Variants in ALS2CL observed in about 807,000 individuals in gnomAD.
The protein encoded by ALS2CL is ALS2 C-terminal like.
A neutral mutation model predicts 127.9 loss-of-function variants in ALS2CL; 112 were observed. That is an observed-to-expected ratio of 0.88 (90% confidence interval 0.75 to 1.02). The LOEUF is 1.02. ALS2CL is among the 50% of genes least tolerant of loss of function. ALS2CL has a pLI of 0.00. For synonymous variants in ALS2CL, 519 were observed against 527.6 expected, an observed-to-expected ratio of 0.98 and a Z score of 0.22; for missense variants, 1,174 against 1,236.7, an observed-to-expected ratio of 0.95 and a Z score of 0.76.
chr3:46,671,479 G>GT lies in ALS2CL; in HGVS notation c.2781+8dup. On this transcript the variant is annotated intron_variant, in intron 25 of 25. Transcript: ENST00000318962. ...ATTTCCACCTCGGTCCACAGCCCCT[G>GT]TCCCTTACCTCCAGGGCTGTGAGCA... The GT allele has an allele frequency of 6.2e-7, 1 of 1,613,992 alleles. No individual in the cohort carries two copies. The highest frequency in any genetic ancestry group is 8.5e-7 in the Non-Finnish European group (1 of 1,179,994).
Position 46,686,102 on chromosome 3 carries a change from G to A in ALS2CL, c.666+206C>T, listed in dbSNP as rs1699748827. On this transcript the variant is annotated intron_variant, in intron 6 of 25. Transcript: ENST00000318962. This position sits in a 1 kb window ranked among gnomAD's most constrained non-coding sequence, Gnocchi z 4.3. ...GCTGATTGCCTCTTCCCTAGGCCGG[G>A]TCAGGGCCTGGCCCAGGACGTGCTC... Among the ~76,000 whole-genome samples, 2 of 152,190 alleles carry A rather than the reference G, an allele frequency of 1.3e-5. No homozygotes were observed. The highest frequency in any genetic ancestry group is 6.5e-5 in the Admixed American group (1 of 15,288).
rs1176235897 is a variant in ALS2CL, at chr3:46,676,250, G to A, written c.2181C>T (p.Ala727=). 3 of 1,612,958 alleles carry A rather than the reference G, an allele frequency of 1.9e-6. No homozygotes were observed. The highest frequency in any genetic ancestry group is 1.3e-5 in the African/African-American group (1 of 74,894). The change falls in exon 19 of 26, where the codon GCC becomes GCT. Residue 727 remains alanine (A), a synonymous_variant. Transcript: ENST00000318962. ...VKQHAQELWA[A]YRGLLRVALE... is the part of the protein sequence containing the mutation. Reference sequence around the variant, plus strand: ...CCGTTTGCCACCGAGCCCACCTGTAGGCAGCCCAGAGTTCCTGGGCATGCT... The same window carrying A: ...CCGTTTGCCACCGAGCCCACCTGTAAGCAGCCCAGAGTTCCTGGGCATGCT...
intron 1 of ALS2CL, among the ~76,000 whole-genome samples, chr3:46,692,837 C>A (rs1474292356): frequency 6.6e-6 from 1 of 152,226 alleles, no homozygotes; most frequent in African/African-American, 2.4e-5. Context: ...CCCTCCCGGG[C>A]AGGGTCACTG....
rs577012167 is a variant in ALS2CL at position 46,677,980 on chromosome 3, C to A, written c.1757+279G>T. Among the ~76,000 whole-genome samples the A allele has an allele frequency of 3.0e-5, 4 of 135,184 alleles. No homozygotes were observed. In the East Asian group the frequency reaches 8.2e-4, roughly 28 times the overall value. The allele number at this position is 135,184 out of a possible 152,430, so 88.7% of individuals were successfully genotyped here. ...TTTCCTGTATGTTTGGTTTGTAAACCGTATTGTATCCTTTCGAGACAAAAA... is the reference window on the plus strand; with the variant it reads ...TTTCCTGTATGTTTGGTTTGTAAACAGTATTGTATCCTTTCGAGACAAAAA... On this transcript the variant is annotated intron_variant, in intron 16 of 25. Coordinates refer to ENST00000318962, the MANE Select transcript of ALS2CL (RefSeq NM_147129.5).
chr3:46,681,189 T>C lies in ALS2CL; in HGVS notation c.1436+57A>G. 6.2e-7 allele frequency: 1 copy of C among 1,610,538 alleles called. No homozygotes were observed. ...GAGCCTGTGTCCTGCAACAATCTGG[T>C]CTGTGAGGGCCCGGTCCACCCCTCC... On this transcript the variant is annotated intron_variant, in intron 13 of 25. Coordinates refer to ENST00000318962, the MANE Select transcript of ALS2CL (RefSeq NM_147129.5). This position sits in a 1 kb window ranked among gnomAD's most constrained non-coding sequence, Gnocchi z 4.9.
intron 22 of ALS2CL, among the ~76,000 whole-genome samples, chr3:46,672,840 C>A (rs1488013380): frequency 6.6e-6 from 1 of 152,060 alleles, no homozygotes; most frequent in Non-Finnish European, 1.5e-5. Flanking sequence ...ACCAAAAATA[C>A]AAAAATTAGC....
At chr3:46,685,484 C>T (rs763959163) in intron 7 of ALS2CL, 41 bp downstream of exon 7, 1 of 1,606,372 alleles carries the variant, frequency 6.2e-7, no homozygotes, top group Non-Finnish European at 8.5e-7. Flanking sequence ...ACCCCAGAAC[C>T]CTACTGTGGC....
intron 1 of ALS2CL, among the ~76,000 whole-genome samples, chr3:46,692,294 G>C (rs1316814166): frequency 6.6e-6 from 1 of 152,128 alleles, no homozygotes; most frequent in Non-Finnish European, 1.5e-5. Flanking sequence ...CACGTTTGCA[G>C]GGCAGGAGGA....
At chr3:46,675,251 G>A (rs556941506) in intron 20 of ALS2CL, 2 of 234,078 alleles carry the variant, frequency 8.5e-6, no homozygotes, top group East Asian at 1.0e-4. Flanking sequence ...CAAATTTCAT[G>A]CCCACCTAAC....
Position 46,676,261 on chromosome 3 carries a change from G to A in ALS2CL, c.2170C>T (p.Leu724Phe). ...CGAGCCCACCTGTAGGCAGCCCAGA[G>A]TTCCTGGGCATGCTGCTTCACCTCC... is the stretch of plus-strand genomic sequence containing the variant. Reference protein sequence around the residue: ...QEEVKQHAQELWAAYRGLLRV... With the variant: ...QEEVKQHAQEFWAAYRGLLRV... Residue 724 changes from leucine (L) to phenylalanine (F), a missense_variant, in exon 19 of 26, where the codon CTC (leucine) becomes TTC (phenylalanine). Leu to Phe is a conservative substitution (Grantham distance 22). Transcript: ENST00000318962. 1 of 1,613,364 alleles carries A rather than the reference G, an allele frequency of 6.2e-7. No individual in the cohort carries two copies. Among genetic ancestry groups the A allele is most frequent in the Non-Finnish European group, 8.5e-7 (1 of 1,179,856 alleles).
In ALS2CL at chr3:46,683,804, CA is replaced by C. The variant is rs772515461; in HGVS notation, c.889del (p.Cys297ValfsTer15). The C allele has an allele frequency of 1.2e-6, 2 of 1,613,968 alleles. No homozygotes were observed. Among genetic ancestry groups the C allele is most frequent in the Non-Finnish European group, 1.7e-6 (2 of 1,180,022 alleles). On this transcript the variant is annotated frameshift_variant, in exon 9 of 26. Coordinates refer to ENST00000318962, the MANE Select transcript of ALS2CL (RefSeq NM_147129.5). LOFTEE classifies it high-confidence loss of function. ...LLTPEEEFSF[C>X]AKDSQGQAVW... ...CACCTGGCCCTGGGAGTCCTTGGCA[CA>C]AAAGGAGAACTCTTCTTCGGGCGTG...
rs1373505173 is a variant in ALS2CL, at chr3:46,676,982, G to C, written c.1798C>G (p.Gln600Glu). 6.2e-7 allele frequency: 1 copy of C among 1,611,970 alleles called. No individual in the cohort carries two copies. The highest frequency in any genetic ancestry group is 1.7e-5 in the Admixed American group (1 of 59,908). Residue 600 changes from glutamine (Q) to glutamate (E), a missense_variant, in exon 17 of 26, where the codon CAG (glutamine) becomes GAG (glutamate). By Grantham distance (29) the Gln-to-Glu change is conservative (BLOSUM62 2). Coordinates refer to ENST00000318962, the MANE Select transcript of ALS2CL (RefSeq NM_147129.5). ...TCCCGGAAGGGGCTGTAGACTCCCT[G>C]CCAGCGGCTTTCCACGGGGAAGGCA... ...VGAFPVESRW[Q>E]GVYSPFRDFV...
intron 19 of ALS2CL, 171 bp from the exon 20 acceptor site, chr3:46,675,857 G>A (rs1190911389): frequency 6.9e-7 from 1 of 1,453,602 alleles, no homozygotes; most frequent in East Asian, 2.5e-5. Context: ...CAGGATGTTA[G>A]CCTGAGAATC....
chr3:46,680,639 G>T, intron 13 of ALS2CL, 98 bp from the exon 14 acceptor site: 1 of 1,026,166 alleles, frequency 9.7e-7, no homozygotes, highest in Non-Finnish European at 1.5e-6. Context: ...TGCAGATAAG[G>T]GGCAGTGACA....
chr3:46,676,127 T>C, intron 19 of ALS2CL, 118 bp downstream of exon 19: 1 of 1,475,270 alleles, frequency 6.8e-7, no homozygotes, highest in East Asian at 2.3e-5. Flanking sequence ...ACCAAGCCTC[T>C]GGTTCATTGT....
Position 46,688,223 on chromosome 3 carries a change from T to C in ALS2CL, c.177A>G (p.Gln59=). The part of the protein sequence containing the change: ...LLQQLHKSSQ[Q]LWEVTEESLH... Reference sequence around the variant, plus strand: ...GGCTTTCCTCCGTCACCTCCCAGAGTTGCTGGGAGCTCTTGTGCAGCTGTT... The same window carrying C: ...GGCTTTCCTCCGTCACCTCCCAGAGCTGCTGGGAGCTCTTGTGCAGCTGTT... The change falls in exon 3 of 26, where the codon CAA becomes CAG. Residue 59 remains glutamine (Q), a synonymous_variant. Coordinates refer to ENST00000318962, the MANE Select transcript of ALS2CL (RefSeq NM_147129.5). 1 of 1,612,828 alleles carries C rather than the reference T, an allele frequency of 6.2e-7. No individual in the cohort carries two copies. Among genetic ancestry groups the C allele is most frequent in the African/African-American group, 1.3e-5 (1 of 74,962 alleles).
At position 46,681,564 on chromosome 3, in the gene ALS2CL, C is replaced by T. The variant is rs1353083614; in HGVS notation, c.1210G>A (p.Asp404Asn). ...TGACACTTGTAACAGTCGAACTTGT[C>T]CTCAGAGGCCTGGGGCAGCAGGCGG... ...GIRLLPQASEDKFDCYKCHWR... is the reference protein window; with the variant it reads ...GIRLLPQASENKFDCYKCHWR... Residue 404 changes from aspartate to asparagine, a missense_variant, in exon 12 of 26, where the codon GAC becomes AAC. By Grantham distance (23) the Asp-to-Asn change is conservative (BLOSUM62 1). Transcript: ENST00000318962. This position sits in a 1 kb window ranked among gnomAD's most constrained non-coding sequence, Gnocchi z 4.9. The T allele has an allele frequency of 6.2e-7, 1 of 1,614,140 alleles. No individual in the cohort carries two copies. The highest frequency in any genetic ancestry group is 8.5e-7 in the Non-Finnish European group (1 of 1,179,994).
chr3:46,677,322 T>A, intron 16 of ALS2CL: 1 of 1,234,798 alleles, frequency 8.1e-7, no homozygotes, highest in African/African-American at 1.5e-5. Context: ...AGAGAGGGGG[T>A]CTTGGTCCAA....
chr3:46,684,071 T>A lies in ALS2CL; in HGVS notation c.787-24A>T, dbSNP rs773898064. 3.2e-6 allele frequency: 5 copies of A among 1,550,776 alleles called. No homozygotes were observed. In the South Asian group the frequency reaches 5.9e-5, roughly 18 times the overall value. On this transcript the variant is annotated intron_variant, in intron 7 of 25. Transcript: ENST00000318962. ...CCCTGGAAGAGGATGGACACAGGAGTCATCCAGAGCCCAGGCCAGATGCTC... is the reference window on the plus strand; with the variant it reads ...CCCTGGAAGAGGATGGACACAGGAGACATCCAGAGCCCAGGCCAGATGCTC...
Sources: allele counts gnomAD v4.1 joint callset (sites outside exome capture counted in the v4.1 genomes callset), GRCh38; gene constraint gnomAD v4.1.1; non-coding constraint Gnocchi (gnomAD v3.1); transcripts MANE v1.5; gene names NCBI Gene and HGNC (gene_info 2026-07-23, HGNC 2026-07-21).